Variants in GNA14 observed in about 807,000 individuals in gnomAD.
The protein encoded by GNA14 is guanine nucleotide-binding protein subunit alpha-14.
GNA14 carries 50 observed loss-of-function variants against 42.0 expected under a neutral mutation model. The ratio of observed to expected loss-of-function variants is 1.19; its 90% CI spans 0.95 to 1.51. GNA14 has a LOEUF of 1.51. Among genes scored for constraint, GNA14 ranks in the 40% most tolerant of loss-of-function variants. The probability of loss-of-function intolerance (pLI) is 0.00; values close to 1 mark genes in which losing one functional copy is unlikely to be tolerated. For synonymous variants in GNA14, 173 were observed against 163.1 expected, an observed-to-expected ratio of 1.06 and a Z score of -0.46; for missense variants, 473 against 446.2, an observed-to-expected ratio of 1.06 and a Z score of -0.54.
chr9:77,618,605 TATA>T lies in GNA14; in HGVS notation c.124+29062_124+29064del, dbSNP rs1564067802. Among the ~76,000 whole-genome samples, 9 of 13,426 alleles carry T rather than the reference TATA, an allele frequency of 6.7e-4. 2 individuals carry two copies. The highest frequency in any genetic ancestry group is 2.1e-3 in the African/African-American group (9 of 4,202). The allele number at this position is 13,426 out of a possible 152,430, so 8.8% of individuals were successfully genotyped here. ...GAATATATATATATATATATATATA[TATA>T]TATATATATATATTTTTTTTTTTTT... On this transcript the variant is annotated intron_variant, in intron 1 of 6. Transcript: ENST00000341700.
chr9:77,644,504 G>T (rs1255159859), intron 1 of GNA14, among the ~76,000 whole-genome samples: 1 of 147,508 alleles, frequency 6.8e-6, no homozygotes, highest in Admixed American at 6.9e-5. Context: ...GGCCATGTGA[G>T]GCCACAGTGA....
At chr9:77,486,460 A>C (rs964008273) in intron 2 of GNA14, among the ~76,000 whole-genome samples, 1 of 152,200 alleles carries the variant, frequency 6.6e-6, no homozygotes, top group Non-Finnish European at 1.5e-5. Flanking sequence ...TCATTTGTGT[A>C]TTCACTAGAG....
intron 2 of GNA14, among the ~76,000 whole-genome samples, chr9:77,501,301 A>C (rs1227712440): frequency 6.6e-6 from 1 of 152,164 alleles, no homozygotes; most frequent in African/African-American, 2.4e-5. Flanking sequence ...GAGTGGCTGT[A>C]CCATTTTACA....
intron 1 of GNA14, among the ~76,000 whole-genome samples, chr9:77,639,531 A>C (rs1428471180): frequency 6.6e-6 from 1 of 152,228 alleles, no homozygotes; most frequent in Admixed American, 6.5e-5. Context: ...AGATGAGCAC[A>C]ATCAGACAGA....
At chr9:77,555,041 A>T (rs551613632) in intron 1 of GNA14, among the ~76,000 whole-genome samples, 64 of 152,240 alleles carry the variant, frequency 4.2e-4, no homozygotes, top group East Asian at 2.9e-3. Flanking sequence ...ATTTTTTTTT[A>T]AAATGAAAAT....
At chr9:77,516,627 A>C (rs1228888110) in intron 2 of GNA14, among the ~76,000 whole-genome samples, 1 of 151,994 alleles carries the variant, frequency 6.6e-6, no homozygotes, top group Non-Finnish European at 1.5e-5. Context: ...TCGGGAAGCT[A>C]AGGTGGGAGA....
At chr9:77,447,718 A>G (rs1318352344) in intron 2 of GNA14, among the ~76,000 whole-genome samples, 1 of 152,146 alleles carries the variant, frequency 6.6e-6, no homozygotes, top group Admixed American at 6.5e-5. Context: ...GGAGTCCTTC[A>G]CTAGATTATT....
chr9:77,459,995 A>G (rs1385601271), intron 2 of GNA14, among the ~76,000 whole-genome samples: 1 of 152,124 alleles, frequency 6.6e-6, no homozygotes, highest in Non-Finnish European at 1.5e-5. Context: ...TTTCTCACGG[A>G]CAAGTTCATT....
At chr9:77,485,172 A>G (rs747974773) in intron 2 of GNA14, among the ~76,000 whole-genome samples, 4 of 152,198 alleles carry the variant, frequency 2.6e-5, no homozygotes, top group Non-Finnish European at 5.9e-5. Flanking sequence ...TCCTGCCACT[A>G]TTTTATCAAC....
At chr9:77,545,759 G>A (rs7036852) in intron 1 of GNA14, among the ~76,000 whole-genome samples, 7,661 of 152,120 alleles carry the variant, frequency 0.05, 586 homozygotes, top group African/African-American at 0.17. Context: ...CCAAGAAGAA[G>A]GTCTCATTCT....
chr9:77,465,932 T>A (rs563696230), intron 2 of GNA14, among the ~76,000 whole-genome samples: 1 of 152,352 alleles, frequency 6.6e-6, no homozygotes, highest in South Asian at 2.1e-4. Context: ...TTGACTTTTT[T>A]CATTGCCTCT....
At chr9:77,568,217 G>A (rs1402165277) in intron 1 of GNA14, among the ~76,000 whole-genome samples, 4 of 152,108 alleles carry the variant, frequency 2.6e-5, no homozygotes, top group African/African-American at 7.2e-5. Flanking sequence ...TTGTGAGGCC[G>A]AGGTGGGGGG....
At chr9:77,497,706 AACATATTTATATACATATGCATAT>A (rs1343925229) in intron 2 of GNA14, among the ~76,000 whole-genome samples, 10 of 147,742 alleles carry the variant, frequency 6.8e-5, no homozygotes, top group Admixed American at 4.0e-4. Context: ...TTTATGAGCT[AACATATTTATATACATATGCATAT>A]ACATATTTAT....
intron 1 of GNA14, among the ~76,000 whole-genome samples, chr9:77,560,241 A>C (rs970419761): frequency 3.3e-5 from 5 of 152,088 alleles, no homozygotes; most frequent in Non-Finnish European, 7.4e-5. Flanking sequence ...ACTTAAGACA[A>C]AATTAATTAC....
At chr9:77,478,899 T>A (rs1052367744) in intron 2 of GNA14, among the ~76,000 whole-genome samples, 17 of 152,220 alleles carry the variant, frequency 1.1e-4, no homozygotes, top group Non-Finnish European at 2.5e-4. Context: ...GTAAATTTGT[T>A]GGAGTTCATT....
intron 3 of GNA14, among the ~76,000 whole-genome samples, chr9:77,433,605 C>A (rs887304004): frequency 1.3e-5 from 2 of 152,100 alleles, no homozygotes; most frequent in Non-Finnish European, 2.9e-5. Context: ...TCAAGCGATC[C>A]TCCCACCTCT....
intron 1 of GNA14, among the ~76,000 whole-genome samples, chr9:77,579,568 C>T (rs1054810404): frequency 2.6e-5 from 4 of 152,128 alleles, no homozygotes; most frequent in Non-Finnish European, 5.9e-5. Context: ...CTGCAAGTCC[C>T]TGGTCTTGGG....
At chr9:77,600,067 A>T (rs1174675161) in intron 1 of GNA14, among the ~76,000 whole-genome samples, 3 of 150,966 alleles carry the variant, frequency 2.0e-5, no homozygotes, top group Non-Finnish European at 4.5e-5. Context: ...CCATATATTG[A>T]TTTTTGTTTG....
chr9:77,547,091 AT>A (rs1203072906), intron 1 of GNA14, among the ~76,000 whole-genome samples: 1 of 152,230 alleles, frequency 6.6e-6, no homozygotes, highest in Admixed American at 6.5e-5. Context: ...ATCTTAAAAA[AT>A]AACTCAGATT....
Sources: allele counts gnomAD v4.1 joint callset (sites outside exome capture counted in the v4.1 genomes callset), GRCh38; gene constraint gnomAD v4.1.1; transcripts MANE v1.5; gene names NCBI Gene and HGNC (gene_info 2026-07-23, HGNC 2026-07-21).